Variants in NEDD4L observed in about 807,000 individuals in gnomAD.
NEDD4L encodes the protein E3 ubiquitin-protein ligase NEDD4-like.
Under a neutral mutation model 148.9 loss-of-function variants are expected in NEDD4L, and 54 were observed. That is an observed-to-expected ratio of 0.36 (90% CI 0.29 to 0.45). The LOEUF is 0.45. Among genes scored for constraint, NEDD4L ranks in the 20% least tolerant of loss-of-function variants. The pLI is 1.00. For missense variants in NEDD4L, 856 were observed against 1,233.8 expected (o/e 0.69, Z 4.59); for synonymous variants, 433 against 440.7 (o/e 0.98, Z 0.22).
At chr18:58,219,262 T>C (rs533298547) in intron 2 of NEDD4L, among the ~76,000 whole-genome samples, 17 of 152,212 alleles carry the variant, frequency 1.1e-4, no homozygotes, top group Non-Finnish European at 2.2e-4. Flanking sequence ...ATGTAGCCTT[T>C]TTTTCCCTTC....
chr18:58,216,250 A>T (rs1215993951), intron 2 of NEDD4L, among the ~76,000 whole-genome samples: 1 of 152,066 alleles, frequency 6.6e-6, no homozygotes, highest in Non-Finnish European at 1.5e-5. Context: ...AGAAGTAGCC[A>T]GGTCAGTGGG....
At chr18:58,330,333 T>C (rs921237629) in intron 10 of NEDD4L, among the ~76,000 whole-genome samples, 5 of 152,214 alleles carry the variant, frequency 3.3e-5, no homozygotes, top group Non-Finnish European at 7.3e-5. Flanking sequence ...TCCATGACAA[T>C]TGTTTATAAA....
chr18:58,074,667 G>A (rs959846918), intron 1 of NEDD4L, among the ~76,000 whole-genome samples: 1 of 152,134 alleles, frequency 6.6e-6, no homozygotes, highest in Middle Eastern at 3.4e-3. Context: ...CTGCCTGATG[G>A]ATGGCTTGAG....
intron 2 of NEDD4L, among the ~76,000 whole-genome samples, chr18:58,243,834 TA>T (rs557596107): frequency 1.3e-4 from 20 of 148,896 alleles, no homozygotes; most frequent in Admixed American, 8.7e-4. Flanking sequence ...AACCATAATG[TA>T]AAAAAAAAAT....
intron 5 of NEDD4L, among the ~76,000 whole-genome samples, chr18:58,269,284 G>T (rs2050687275): frequency 6.6e-6 from 1 of 151,974 alleles, no homozygotes; most frequent in African/African-American, 2.4e-5. Flanking sequence ...GTAAATCATG[G>T]CTTAAAACTC....
chr18:58,199,303 C>G lies in NEDD4L; in HGVS notation c.122+33442C>G, dbSNP rs191240943. ...TCTCAACCAGTGGCAGTTTTGCCTT[C>G]TCTCCCACAAGGGACATTTGACACT... On this transcript the variant is annotated intron_variant, in intron 2 of 30. Coordinates refer to ENST00000400345, the MANE Select transcript of NEDD4L (RefSeq NM_001144967.3). Among the ~76,000 whole-genome samples the G allele has an allele frequency of 2.0e-5, 3 of 152,146 alleles. No homozygotes were observed. In the East Asian group the frequency reaches 5.8e-4, roughly 29 times the overall value.
At position 58,356,288 on chromosome 18, in the gene NEDD4L, C is replaced by CTT. The variant is rs34623575; in HGVS notation, c.1709-892_1709-891dup. Among the ~76,000 whole-genome samples, 8 of 136,752 alleles carry CTT rather than the reference C, an allele frequency of 5.9e-5. No individual in the cohort carries two copies. The East Asian group carries it at 8.2e-4, about 14-fold the overall frequency. 89.7% of individuals were successfully genotyped at this position (136,752 alleles called of 152,430 possible). A position where few individuals can be genotyped will look rare whatever the true frequency, so the allele number is the denominator to read the frequency against. On this transcript the variant is annotated intron_variant, in intron 18 of 30. Coordinates refer to ENST00000400345, the MANE Select transcript of NEDD4L (RefSeq NM_001144967.3). ...TTACTTTTCAAATAATTTTCTTCTT[C>CTT]TTTTTTTTTTTTTTTGTTTTTTACT...
chr18:58,111,676 A>G (rs912950545), intron 1 of NEDD4L, among the ~76,000 whole-genome samples: 11 of 152,272 alleles, frequency 7.2e-5, no homozygotes, highest in East Asian at 1.9e-4. Flanking sequence ...ATAAAACCAT[A>G]TGGTTTCTAG....
Position 58,250,606 on chromosome 18 carries a change from C to T in NEDD4L, c.244-1395C>T, listed in dbSNP as rs143655371. Among the ~76,000 whole-genome samples, 391 of 152,244 alleles carry T rather than the reference C, an allele frequency of 2.6e-3. 2 individuals are homozygous for T. The highest frequency in any genetic ancestry group is 8.9e-3 in the African/African-American group (369 of 41,546). Reference sequence around the variant, plus strand: ...GCTAGGCTGCAGGCAGACCACGGACCAGAAGCACAAGCTGAGCTCTCTGTG... The same window carrying T: ...GCTAGGCTGCAGGCAGACCACGGACTAGAAGCACAAGCTGAGCTCTCTGTG... On this transcript the variant is annotated intron_variant, in intron 4 of 30. Transcript: ENST00000400345.
At chr18:58,380,568 G>A (rs896296371) in intron 24 of NEDD4L, among the ~76,000 whole-genome samples, 6 of 151,922 alleles carry the variant, frequency 3.9e-5, no homozygotes, top group South Asian at 2.1e-4. Flanking sequence ...TGCCCACCTC[G>A]GCCTCCCAAA....
intron 1 of NEDD4L, among the ~76,000 whole-genome samples, chr18:58,147,586 G>A (rs1265859713): frequency 2.6e-5 from 4 of 152,140 alleles, no homozygotes; most frequent in Non-Finnish European, 5.9e-5. Flanking sequence ...TGCTCTAAAT[G>A]TGCTCAGTTT....
At chr18:58,067,996 G>C (rs1402469538) in intron 1 of NEDD4L, among the ~76,000 whole-genome samples, 1 of 152,130 alleles carries the variant, frequency 6.6e-6, no homozygotes, top group African/African-American at 2.4e-5. Flanking sequence ...GTCTCCCTCT[G>C]TCACCCAGGC....
intron 2 of NEDD4L, among the ~76,000 whole-genome samples, chr18:58,182,215 G>A (rs1017616670): frequency 2.0e-4 from 31 of 152,048 alleles, no homozygotes; most frequent in African/African-American, 7.5e-4. Flanking sequence ...CAGAGTAGGG[G>A]GTGCTGAAAA....
chr18:58,186,865 C>T (rs556274629), intron 2 of NEDD4L, among the ~76,000 whole-genome samples: 36 of 152,330 alleles, frequency 2.4e-4, no homozygotes, highest in Non-Finnish European at 4.7e-4. Context: ...TCCAGCTCCT[C>T]AGGTGATTGG....
intron 1 of NEDD4L, among the ~76,000 whole-genome samples, chr18:58,087,817 T>C (rs772270885): frequency 6.6e-6 from 1 of 152,170 alleles, no homozygotes; most frequent in South Asian, 2.1e-4. Flanking sequence ...GAGGTTACGG[T>C]GAGCTGAGAT....
chr18:58,046,741 G>C (rs561463387), intron 1 of NEDD4L: 1 of 152,338 alleles, frequency 6.6e-6, no homozygotes, highest in South Asian at 2.1e-4. Context: ...CCTGCATGTT[G>C]CTAGAAGGGA....
intron 4 of NEDD4L, among the ~76,000 whole-genome samples, chr18:58,251,566 TACAC>T (rs759906237): frequency 2.0e-5 from 3 of 150,524 alleles, no homozygotes; most frequent in African/African-American, 7.3e-5. Context: ...TGTCTCTCTC[TACAC>T]ACACACACAC....
chr18:58,293,476 C>A (rs1157828711), intron 5 of NEDD4L, among the ~76,000 whole-genome samples: 1 of 152,126 alleles, frequency 6.6e-6, no homozygotes, highest in Non-Finnish European at 1.5e-5. Context: ...GTTTCAATGT[C>A]GTAAAAAGGC....
At chr18:58,142,040 CT>C (rs552184742) in intron 1 of NEDD4L, among the ~76,000 whole-genome samples, 4,787 of 41,830 alleles carry the variant, frequency 0.11, 101 homozygotes, top group East Asian at 0.26. Flanking sequence ...AAATTTCTTT[CT>C]TTTTTTTTTT....
Sources: gnomAD v4.1 joint callset for allele counts (sites outside exome capture counted in the v4.1 genomes callset) on GRCh38, gnomAD v4.1.1 for gene constraint, MANE v1.5 for transcripts, NCBI Gene and HGNC (gene_info 2026-07-23, HGNC 2026-07-21) for gene names.